MMS19: variants seen among roughly 807,000 people sequenced by gnomAD.
The protein encoded by MMS19 is MMS19 cytosolic iron-sulfur assembly component.
A neutral mutation model predicts 129.8 loss-of-function variants in MMS19; 77 were observed. The ratio of observed to expected loss-of-function variants is 0.59; its 90% CI spans 0.49 to 0.72. The LOEUF is 0.72. MMS19 is among the 30% of genes least tolerant of loss of function. MMS19 has a pLI of 0.00. For missense variants in MMS19, 1,168 were observed against 1,266.3 expected (o/e 0.92, Z 1.18); for synonymous variants, 491 against 502.8 (o/e 0.98, Z 0.31).
In MMS19 at chr10:97,465,924, G is replaced by A. The variant is rs768898430; in HGVS notation, c.1637C>T (p.Pro546Leu). ...GCACAGATGCCGGGAGCATTGGGTG[G>A]GCTCATCTCCGTTAGTCAAATTTGA... ...GESNLTNGDE[P>L]TQCSRHLCCL... Residue 546 changes from proline to leucine, a missense_variant, in exon 18 of 31, where the codon CCC (proline) becomes CTC (leucine). This residue lies in a region of MMS19 where 831 missense variants were observed against 910.8 expected (regional missense o/e 0.91). Coordinates refer to ENST00000438925, the MANE Select transcript of MMS19 (RefSeq NM_022362.5). 14 of 1,613,832 alleles carry A rather than the reference G, an allele frequency of 8.7e-6. No homozygotes were observed. In the East Asian group the frequency reaches 1.6e-4, roughly 18 times the overall value.
chr10:97,462,666 A>C lies in MMS19; in HGVS notation c.1929T>G (p.Val643=). ...CATCCTCCAATAGTACTTTTCTCAG[A>C]ACTGAGGGCTCCTTCTCTGCAAAAC... ...QASMPEKEPS[V]LRKVLLEDEV... Residue 643 remains valine (V), a synonymous_variant, in exon 20 of 31, where the codon GTT becomes GTG. Coordinates refer to ENST00000438925, the MANE Select transcript of MMS19 (RefSeq NM_022362.5). 4 of 1,613,766 alleles carry C rather than the reference A, an allele frequency of 2.5e-6. No individual in the cohort carries two copies. The highest frequency in any genetic ancestry group is 1.7e-4 in the Middle Eastern group (1 of 6,060).
chr10:97,467,512 T>C lies in MMS19; in HGVS notation c.1290A>G (p.Glu430=), dbSNP rs777056156. The C allele has an allele frequency of 1.9e-6, 3 of 1,613,716 alleles. No homozygotes were observed. In the East Asian group the frequency reaches 6.7e-5, roughly 36 times the overall value. The change falls in exon 14 of 31, where the codon GAA becomes GAG. Residue 430 remains glutamate, a synonymous_variant. Transcript: ENST00000438925. ...FLKLQQKWSY[E]DKDQRPLNGF... ...AATGGAAGGCAACCTCACCTTTGTC[T>C]TCATAGCTCCATTTCTGCTGCAGCT...
rs868317968 is a variant in MMS19 at position 97,496,529 on chromosome 10, A to G, written c.112+1744T>C. ...CTTGTCTCAAAAAAAAAAAAAAAAA[A>G]AGAGAAGAATTTGCAGTCCTTATTC... On this transcript the variant is annotated intron_variant, in intron 1 of 30. Coordinates refer to ENST00000438925, the MANE Select transcript of MMS19 (RefSeq NM_022362.5). 2.5e-3 allele frequency among the ~76,000 whole-genome samples: 375 copies of G among 151,812 alleles called. 3 individuals carry two copies. The Middle Eastern group carries it at 0.054, about 22-fold the overall frequency.
intron 3 of MMS19, among the ~76,000 whole-genome samples, chr10:97,479,929 C>T (rs1034156574): frequency 6.6e-6 from 1 of 152,036 alleles, no homozygotes; most frequent in Non-Finnish European, 1.5e-5. Flanking sequence ...GAAAAGTTTC[C>T]TGTAAAGCCC....
At position 97,484,131 on chromosome 10, in the gene MMS19, T is replaced by C. The variant is rs778293651; in HGVS notation, c.133A>G (p.Thr45Ala). Residue 45 changes from threonine (T) to alanine (A), a missense_variant, in exon 2 of 31, where the codon ACA (threonine) becomes GCA (alanine). Coordinates refer to ENST00000438925, the MANE Select transcript of MMS19 (RefSeq NM_022362.5). Reference protein sequence around the residue: ...VAADVKSGNYTVLQVVEALGS... With the variant: ...VAADVKSGNYAVLQVVEALGS... ...AGGGCTTCCACAACTTGTAACACTGTATAGTTGCCAGATTTCACATCTGCA... is the reference window on the plus strand; with the variant it reads ...AGGGCTTCCACAACTTGTAACACTGCATAGTTGCCAGATTTCACATCTGCA... 17 of 1,539,098 alleles carry C rather than the reference T, an allele frequency of 1.1e-5. No homozygotes were observed. Among genetic ancestry groups the C allele is most frequent in the Admixed American group, 5.9e-5 (3 of 50,694 alleles).
chr10:97,466,171 G>A lies in MMS19; in HGVS notation c.1506-12C>T. Reference sequence around the variant, plus strand: ...GTGCTGCCACCCTGCTGGAGGCGCAGAGCAGATAAGCATTGGCTGAGCCTG... The same window carrying A: ...GTGCTGCCACCCTGCTGGAGGCGCAAAGCAGATAAGCATTGGCTGAGCCTG... On this transcript the variant is annotated splice_polypyrimidine_tract_variant and intron_variant, in intron 16 of 30. Transcript: ENST00000438925. The A allele has an allele frequency of 6.4e-7, 1 of 1,554,460 alleles. No individual in the cohort carries two copies. Among genetic ancestry groups the A allele is most frequent in the Non-Finnish European group, 8.7e-7 (1 of 1,147,640 alleles).
At chr10:97,466,260 C>G (rs990266785) in intron 16 of MMS19, 101 bp from the exon 17 acceptor site, 60 of 989,116 alleles carry the variant, frequency 6.1e-5, no homozygotes, top group Middle Eastern at 3.1e-4. Context: ...CTCCCAACGC[C>G]TCCTTGCTAA....
At chr10:97,467,883 G>A (rs955069403) in intron 13 of MMS19, among the ~76,000 whole-genome samples, 2 of 150,258 alleles carry the variant, frequency 1.3e-5, no homozygotes, top group Non-Finnish European at 3.0e-5. Flanking sequence ...GCCCAAGCTG[G>A]TCTTTAAATC....
Position 97,468,991 on chromosome 10 carries a change from G to T in MMS19, c.1038C>A (p.Asp346Glu). The T allele has an allele frequency of 6.3e-7, 1 of 1,588,716 alleles. No individual in the cohort carries two copies. Residue 346 changes from aspartate (D) to glutamate (E), a missense_variant, in exon 12 of 31, where the codon GAC (aspartate) becomes GAA (glutamate). Physicochemically the swap from Asp to Glu is conservative, Grantham distance 45. Coordinates refer to ENST00000438925, the MANE Select transcript of MMS19 (RefSeq NM_022362.5). ...VLRADAEDLL[D>E]SFLSNILQDC... The stretch of plus-strand genomic sequence containing the variant: ...CCTGTAGAATGTTGCTAAGGAAGGA[G>T]TCAAGGAGGTCCTCAGCATCAGCCC...
chr10:97,490,619 A>C (rs1342662282), intron 1 of MMS19, among the ~76,000 whole-genome samples: 3 of 152,300 alleles, frequency 2.0e-5, no homozygotes, highest in African/African-American at 7.2e-5. Flanking sequence ...AGCTTGTGCC[A>C]ATGCTGGAAA....
chr10:97,468,730 T>C (rs1431214109), intron 12 of MMS19, among the ~76,000 whole-genome samples: 2 of 152,118 alleles, frequency 1.3e-5, no homozygotes, highest in Non-Finnish European at 2.9e-5. Flanking sequence ...TGCCTCAGCC[T>C]CCCGAGTAGC....
chr10:97,477,981 C>T, intron 4 of MMS19, 52 bp from the exon 5 acceptor site: 1 of 1,247,312 alleles, frequency 8.0e-7, no homozygotes, highest in Non-Finnish European at 1.1e-6. Context: ...AGCATGGCCT[C>T]CAAGACACAA....
At chr10:97,491,328 A>G (rs995064659) in intron 1 of MMS19, among the ~76,000 whole-genome samples, 3 of 152,236 alleles carry the variant, frequency 2.0e-5, no homozygotes, top group Non-Finnish European at 2.9e-5. Flanking sequence ...AGAAGTGCCA[A>G]ATAGGGCCCA....
chr10:97,463,353 TC>T (rs547995266), intron 19 of MMS19, among the ~76,000 whole-genome samples: 7 of 152,038 alleles, frequency 4.6e-5, no homozygotes, highest in Non-Finnish European at 8.8e-5. Flanking sequence ...AGAAACAGGG[TC>T]CCCTGTGTTG....
chr10:97,461,900 TA>T lies in MMS19; in HGVS notation c.2116-5del. On this transcript the variant is annotated splice_region_variant and splice_polypyrimidine_tract_variant and intron_variant, in intron 21 of 30. Transcript: ENST00000438925. ...GCCTCTGCCCTGAGGAGCCATCCTA[TA>T]AAGGAAGGAGAGCCCGATCAAGCCT... 1 of 1,602,466 alleles carries T rather than the reference TA, an allele frequency of 6.2e-7. No individual in the cohort carries two copies.
chr10:97,462,036 C>A lies in MMS19; in HGVS notation c.2096G>T (p.Ser699Ile). The change falls in exon 21 of 31, where the codon AGC becomes ATC. Residue 699 changes from serine (S) to isoleucine (I), a missense_variant. Ser to Ile is a moderately radical substitution (Grantham distance 142). Transcript: ENST00000438925. ...VSFLPENSFP[S>I]RFQPFQDGSS... ...TGTTACCTGGAATGGCTGGAATCTG[C>A]TCGGGAAGCTGTTTTCAGGCAGAAA... 1 of 1,591,988 alleles carries A rather than the reference C, an allele frequency of 6.3e-7. No individual in the cohort carries two copies. The highest frequency in any genetic ancestry group is 1.8e-5 in the Admixed American group (1 of 56,536).
At position 97,462,076 on chromosome 10, in the gene MMS19, C is replaced by A; in HGVS notation, c.2056G>T (p.Asp686Tyr). The A allele has an allele frequency of 6.3e-7, 1 of 1,590,164 alleles. No homozygotes were observed. The highest frequency in any genetic ancestry group is 8.6e-7 in the Non-Finnish European group (1 of 1,167,998). The change falls in exon 21 of 31, where the codon GAT becomes TAT. Residue 686 changes from aspartate (D) to tyrosine (Y), a missense_variant. Coordinates refer to ENST00000438925, the MANE Select transcript of MMS19 (RefSeq NM_022362.5). ...SVTHIVPLFL[D>Y]GNVSFLPENS... is the part of the protein sequence containing the mutation. ...TCAGGCAGAAAGGACACGTTGCCAT[C>A]CAAGAAGAGGGGCACAATGTGTGTC...
chr10:97,475,211 A>AGT (rs10590709), intron 8 of MMS19, among the ~76,000 whole-genome samples: 7,772 of 150,858 alleles, frequency 0.052, 232 homozygotes, highest in Middle Eastern at 0.076. Flanking sequence ...GTACAGGAGA[A>AGT]GTGTGTGTGT....
intron 7 of MMS19, 28 bp downstream of exon 7, chr10:97,476,807 T>A (rs773712875): frequency 6.2e-7 from 1 of 1,613,718 alleles, no homozygotes; most frequent in Non-Finnish European, 8.5e-7. Context: ...AAAGCTCCAA[T>A]GAGCTAATCA....
Sources: allele counts gnomAD v4.1 joint callset (sites outside exome capture counted in the v4.1 genomes callset), GRCh38; gene constraint gnomAD v4.1.1; regional missense constraint gnomAD v4.1.1; transcripts MANE v1.5; gene names NCBI Gene and HGNC (gene_info 2026-07-23, HGNC 2026-07-21).